IQSEC1: variants seen among roughly 807,000 people sequenced by gnomAD.
IQSEC1 encodes the protein IQ motif and Sec7 domain ArfGEF 1.
IQSEC1 carries 31 observed loss-of-function variants against 91.0 expected under a neutral mutation model. The ratio of observed to expected loss-of-function variants is 0.34; its 90% CI spans 0.26 to 0.46. IQSEC1 has a LOEUF of 0.46. Ranked by LOEUF, IQSEC1 falls within the 20% of genes least tolerant of loss-of-function variation. IQSEC1 has a pLI of 1.00. For missense variants in IQSEC1, 1,388 were observed against 1,575.6 expected, an observed-to-expected ratio of 0.88 and a Z score of 2.02; for synonymous variants, 699 against 662.6, an observed-to-expected ratio of 1.05 and a Z score of -0.84.
intron 1 of IQSEC1, among the ~76,000 whole-genome samples, chr3:13,183,897 T>C (rs1424649381): frequency 6.6e-6 from 1 of 152,132 alleles, no homozygotes; most frequent in Non-Finnish European, 1.5e-5. Context: ...GTCCATCAGT[T>C]TGAACACTGA....
rs1695389727 is a variant in IQSEC1, at chr3:13,261,662, G to C, written c.272+21049C>G. Among the ~76,000 whole-genome samples, 4 of 152,048 alleles carry C rather than the reference G, an allele frequency of 2.6e-5. No homozygotes were observed. The South Asian group carries it at 8.3e-4, about 32-fold the overall frequency. On this transcript the variant is annotated intron_variant, in intron 1 of 15. Transcript: ENST00000648114. ...CAAGCATCTGTCCCCTGAGCTCCCA[G>C]GGCAGAGCCAGGGATGCATGGTCCC...
chr3:12,969,690 C>A (rs1368595628), intron 1 of IQSEC1, among the ~76,000 whole-genome samples: 2 of 152,208 alleles, frequency 1.3e-5, no homozygotes, highest in Non-Finnish European at 2.9e-5. Flanking sequence ...TCTTTGACAG[C>A]CTCACCATCC....
intron 2 of IQSEC1, among the ~76,000 whole-genome samples, chr3:13,145,805 G>A (rs989104708): frequency 1.6e-4 from 2 of 12,466 alleles, no homozygotes; most frequent in African/African-American, 3.5e-4. Context: ...GCCCGGGGGC[G>A]GGGGGGGGGG....
At chr3:13,040,291 C>T (rs1435201798) in intron 1 of IQSEC1, among the ~76,000 whole-genome samples, 1 of 152,232 alleles carries the variant, frequency 6.6e-6, no homozygotes, top group African/African-American at 2.4e-5. Context: ...TAAGACCTCC[C>T]TCAGGCTGCT....
chr3:12,973,455 A>T (rs1159245197), intron 1 of IQSEC1, among the ~76,000 whole-genome samples: 1 of 152,052 alleles, frequency 6.6e-6, no homozygotes, highest in Non-Finnish European at 1.5e-5. Flanking sequence ...GACTGTGGGC[A>T]CCTCGACGGT....
At chr3:12,961,994 C>G (rs546313710) in intron 1 of IQSEC1, among the ~76,000 whole-genome samples, 1 of 152,334 alleles carries the variant, frequency 6.6e-6, no homozygotes, top group South Asian at 2.1e-4. Context: ...GCTAAACATC[C>G]TGCATCTGCA....
At chr3:13,082,777 G>A (rs778835053) in intron 2 of IQSEC1, among the ~76,000 whole-genome samples, 37 of 152,086 alleles carry the variant, frequency 2.4e-4, no homozygotes, top group Non-Finnish European at 5.0e-4. Flanking sequence ...CTGTGCGGAC[G>A]CCTCCCCCTG....
Position 13,164,508 on chromosome 3 carries a change from T to C in IQSEC1, c.273-375A>G, listed in dbSNP as rs146620562. ...GCAACTAAATGAATGAATGAGTGAATGAATGAATGAATGAATAAGTGAGAG... is the reference window on the plus strand; with the variant it reads ...GCAACTAAATGAATGAATGAGTGAACGAATGAATGAATGAATAAGTGAGAG... On this transcript the variant is annotated intron_variant, in intron 1 of 15. Transcript: ENST00000648114. Among the ~76,000 whole-genome samples the C allele has an allele frequency of 1.6e-3, 244 of 152,172 alleles. 2 individuals carry two copies. Among genetic ancestry groups the C allele is most frequent in the African/African-American group, 5.6e-3 (232 of 41,518 alleles).
rs1693468282 is a variant in IQSEC1, at chr3:13,165,428, G to T, written c.273-1295C>A. Among the ~76,000 whole-genome samples, 3 of 150,456 alleles carry T rather than the reference G, an allele frequency of 2.0e-5. No homozygotes were observed. In the South Asian group the frequency reaches 6.3e-4, roughly 31 times the overall value. On this transcript the variant is annotated intron_variant, in intron 1 of 15. Transcript: ENST00000648114. ...AGGAAGCCTGATGATGGGGAGAGGA[G>T]ATCCCAGGAGCAGCTTTTGAAAGTT...
rs944519749 is a variant in IQSEC1 at position 13,043,612 on chromosome 3, A to G, written c.23+29380T>C. 7.2e-5 allele frequency among the ~76,000 whole-genome samples: 11 copies of G among 152,234 alleles called. 1 individual carries two copies. The highest frequency in any genetic ancestry group is 2.7e-4 in the African/African-American group (11 of 41,448). ...TTTCCATGGGACATCCCATCCTCTGAAAGGATCCTGCTTTTGCATGTTTAC... is the reference window on the plus strand; with the variant it reads ...TTTCCATGGGACATCCCATCCTCTGGAAGGATCCTGCTTTTGCATGTTTAC... On this transcript the variant is annotated intron_variant, in intron 1 of 13. Transcript: ENST00000613206.
At chr3:13,143,745 C>T (rs1296800424) in intron 2 of IQSEC1, among the ~76,000 whole-genome samples, 2 of 152,188 alleles carry the variant, frequency 1.3e-5, no homozygotes, top group African/African-American at 4.8e-5. Context: ...TGAAGGGAAC[C>T]AGTCCACCTG....
intron 1 of IQSEC1, among the ~76,000 whole-genome samples, chr3:13,029,647 G>A (rs2125004049): frequency 6.6e-6 from 1 of 152,376 alleles, no homozygotes; most frequent in South Asian, 2.1e-4. Context: ...CAGGTCAAGG[G>A]GGGCCAAACA....
Position 12,899,097 on chromosome 3 carries a change from G to A in IQSEC1, c.*1886C>T, listed in dbSNP as rs1693945615. On this transcript the variant is annotated 3_prime_UTR_variant, in exon 14 of 14. Coordinates refer to ENST00000613206, the MANE Select transcript of IQSEC1 (RefSeq NM_001134382.3). ...TAGATTGCTGTATTTGCTCTCTCTG[G>A]AGATTAACAAAGTGCTTGGTTTGCA... The A allele has an allele frequency of 2.0e-6, 1 of 499,158 alleles. No homozygotes were observed. The highest frequency in any genetic ancestry group is 1.9e-5 in the African/African-American group (1 of 51,964). The allele number at this position is 499,158 out of a possible 1,614,324, so 30.9% of individuals were successfully genotyped here.
At chr3:13,280,878 G>A (rs534678082) in intron 1 of IQSEC1, among the ~76,000 whole-genome samples, 24 of 152,240 alleles carry the variant, frequency 1.6e-4, no homozygotes, top group African/African-American at 4.6e-4. Flanking sequence ...CCACTAAGGG[G>A]AAGCCAGGTG....
At chr3:13,224,963 G>T (rs1272615332) in intron 1 of IQSEC1, among the ~76,000 whole-genome samples, 3 of 152,236 alleles carry the variant, frequency 2.0e-5, no homozygotes, top group Non-Finnish European at 4.4e-5. Context: ...AAGCCTGGTG[G>T]CCCAGCAGGT....
chr3:13,130,341 C>CAAAAAAAA (rs58162524), intron 2 of IQSEC1, among the ~76,000 whole-genome samples: 18 of 61,586 alleles, frequency 2.9e-4, no homozygotes, highest in East Asian at 1.3e-3. Flanking sequence ...GAGACTCTGT[C>CAAAAAAAA]AAAAAAAAAA....
chr3:13,280,278 A>T (rs376950315), intron 1 of IQSEC1, among the ~76,000 whole-genome samples: 2 of 152,192 alleles, frequency 1.3e-5, no homozygotes, highest in Non-Finnish European at 2.9e-5. Context: ...GTTTCCAAGC[A>T]CATTGATAAT....
At chr3:13,092,404 G>A (rs1337935920) in intron 2 of IQSEC1, among the ~76,000 whole-genome samples, 1 of 152,104 alleles carries the variant, frequency 6.6e-6, no homozygotes, top group Non-Finnish European at 1.5e-5. Flanking sequence ...GCTGACCACG[G>A]ACGTCCCAGA....
chr3:13,077,133 G>C (rs780010099), upstream of IQSEC1, among the ~76,000 whole-genome samples: 3 of 151,670 alleles, frequency 2.0e-5, no homozygotes, highest in Non-Finnish European at 2.9e-5. Context: ...CAAACTCCTG[G>C]GCTCAGCGAT....
Sources: gnomAD v4.1 joint callset for allele counts (sites outside exome capture counted in the v4.1 genomes callset) on GRCh38, gnomAD v4.1.1 for gene constraint, MANE v1.5 for transcripts, NCBI Gene and HGNC (gene_info 2026-07-23, HGNC 2026-07-21) for gene names.